Variants in ANO2 observed in about 807,000 individuals in gnomAD.
ANO2 encodes the protein anoctamin-2.
A neutral mutation model predicts 124.2 loss-of-function variants in ANO2; 101 were observed. That is an observed-to-expected ratio of 0.81 (90% CI 0.69 to 0.96). The LOEUF is 0.96. Ranked by LOEUF, ANO2 falls within the 40% of genes least tolerant of loss-of-function variation. ANO2 has a pLI of 0.00. For missense variants in ANO2, 1,293 were observed against 1,274.5 expected (o/e 1.01, Z -0.22); for synonymous variants, 486 against 482.5 (o/e 1.01, Z -0.09).
rs745465204 is a variant in ANO2, at chr12:5,922,821, C to T, written c.23-17G>A. 5.4e-6 allele frequency: 8 copies of T among 1,476,340 alleles called. No homozygotes were observed. Among genetic ancestry groups the T allele is most frequent in the Non-Finnish European group, 7.2e-6 (8 of 1,114,290 alleles). The allele number at this position is 1,476,340 out of a possible 1,614,324, so 91.5% of individuals were successfully genotyped here. ...GGGGTATATCTGTGAGAGGGAAAGA[C>T]AAGGGAGGCAAAACAGCCTCAGGTG... is the stretch of plus-strand genomic sequence containing the variant. On this transcript the variant is annotated splice_polypyrimidine_tract_variant and intron_variant, in intron 1 of 24. Coordinates refer to ENST00000682330, the MANE Select transcript of ANO2 (RefSeq NM_001364791.2).
chr12:5,909,985 G>A (rs925366379), intron 3 of ANO2, among the ~76,000 whole-genome samples: 1 of 152,220 alleles, frequency 6.6e-6, no homozygotes. Context: ...GAGACTAAAT[G>A]TATAGAAACA....
intron 17 of ANO2, among the ~76,000 whole-genome samples, chr12:5,614,377 T>C (rs144224732): frequency 9.2e-4 from 140 of 152,262 alleles, no homozygotes; most frequent in Non-Finnish European, 1.8e-3. Context: ...TCAACCATGT[T>C]GGTTGAGGCT....
upstream of ANO2, chr12:5,946,110 G>C (rs1230120046): frequency 5.6e-6 from 9 of 1,607,918 alleles, no homozygotes; most frequent in African/African-American, 1.3e-5. The surrounding 1 kb of genome is among the most constrained non-coding windows in gnomAD (Gnocchi z 4.1). Flanking sequence ...AAATGAAGAA[G>C]TACTATGTTA....
At chr12:5,861,230 A>C (rs1215018432) in intron 3 of ANO2, among the ~76,000 whole-genome samples, 1 of 152,126 alleles carries the variant, frequency 6.6e-6, no homozygotes, top group Non-Finnish European at 1.5e-5. Flanking sequence ...ACCAGCATTC[A>C]TCCCACCCTT....
intron 16 of ANO2, among the ~76,000 whole-genome samples, chr12:5,622,963 CAAAAA>C (rs60889578): frequency 1.9e-5 from 2 of 106,654 alleles, no homozygotes; most frequent in Non-Finnish European, 2.0e-5. Flanking sequence ...GGCTCTGTCT[CAAAAA>C]AAAAAAAAAA....
At chr12:5,776,236 C>T (rs1053933519) in intron 10 of ANO2, among the ~76,000 whole-genome samples, 9 of 152,210 alleles carry the variant, frequency 5.9e-5, no homozygotes, top group Admixed American at 6.5e-5. Context: ...ATGCAATCTT[C>T]CCAACCACTC....
At chr12:5,878,316 G>A (rs1004802844) in intron 3 of ANO2, among the ~76,000 whole-genome samples, 2 of 152,230 alleles carry the variant, frequency 1.3e-5, no homozygotes, top group Admixed American at 6.5e-5. Context: ...CTCATCTGGT[G>A]AGGATCACAC....
At chr12:5,834,055 C>T (rs528302671) in intron 4 of ANO2, among the ~76,000 whole-genome samples, 15 of 152,232 alleles carry the variant, frequency 9.9e-5, no homozygotes, top group African/African-American at 2.9e-4. Context: ...AGGCATACAA[C>T]TAAAGCCTTC....
Position 5,852,848 on chromosome 12 carries a change from CGTGTGTGT to C in ANO2, c.633+1187_633+1194del, listed in dbSNP as rs71445682. Among the ~76,000 whole-genome samples the C allele has an allele frequency of 4.5e-3, 556 of 123,954 alleles. 2 individuals are homozygous for C. The highest frequency in any genetic ancestry group is 0.014 in the African/African-American group (468 of 32,410). 81.3% of individuals were successfully genotyped at this position (123,954 alleles called of 152,430 possible). ...TATACAACTACACTATGGAAAGGGA[CGTGTGTGT>C]GTGTGTGTGTGTGTGTGTGTGTGTG... On this transcript the variant is annotated intron_variant, in intron 4 of 24. Transcript: ENST00000682330.
intron 14 of ANO2, among the ~76,000 whole-genome samples, chr12:5,661,239 T>G (rs1362722434): frequency 6.6e-6 from 1 of 152,190 alleles, no homozygotes; most frequent in Non-Finnish European, 1.5e-5. Flanking sequence ...AATTTCTTAG[T>G]CTGAACTCCA....
At chr12:5,575,368 T>C (rs907608487) in intron 23 of ANO2, among the ~76,000 whole-genome samples, 1 of 152,234 alleles carries the variant, frequency 6.6e-6, no homozygotes, top group Admixed American at 6.5e-5. Flanking sequence ...AATTGATTTA[T>C]AACAACTGCA....
chr12:5,678,100 G>A lies in ANO2; in HGVS notation c.1546-30299C>T, dbSNP rs73271249. On this transcript the variant is annotated intron_variant, in intron 14 of 24. Transcript: ENST00000682330. ...CTCAGGTCTGATGTGGACCAAGCTC[G>A]CTTCTTTGTGAGAAGCACTACTTTT... Among the ~76,000 whole-genome samples the A allele has an allele frequency of 4.9e-3, 747 of 152,260 alleles. 4 individuals carry two copies. The highest frequency in any genetic ancestry group is 0.017 in the African/African-American group (712 of 41,560).
At chr12:5,923,166 A>ACACG (rs1451835942) in intron 1 of ANO2, among the ~76,000 whole-genome samples, 1 of 53,340 alleles carries the variant, frequency 1.9e-5, no homozygotes, top group African/African-American at 4.9e-5. Flanking sequence ...ACACGCATAC[A>ACACG]CACACACGCA....
intron 14 of ANO2, among the ~76,000 whole-genome samples, chr12:5,675,132 T>C (rs1389138409): frequency 6.6e-6 from 1 of 152,200 alleles, no homozygotes; most frequent in Non-Finnish European, 1.5e-5. Flanking sequence ...TGAATGTAAC[T>C]GAGAAGATGG....
At chr12:5,821,253 T>C (rs561419146) in intron 7 of ANO2, among the ~76,000 whole-genome samples, 1 of 152,348 alleles carries the variant, frequency 6.6e-6, no homozygotes, top group Non-Finnish European at 1.5e-5. Context: ...GGTCCAGTGC[T>C]GTGGGGCCTG....
intron 6 of ANO2, among the ~76,000 whole-genome samples, chr12:5,829,677 T>G (rs1029919064): frequency 1.3e-5 from 2 of 152,196 alleles, no homozygotes; most frequent in African/African-American, 4.8e-5. Context: ...GGGCCCCTCT[T>G]TCTCTCTTCT....
chr12:5,746,262 T>C (rs572658012), intron 11 of ANO2, among the ~76,000 whole-genome samples: 1 of 152,192 alleles, frequency 6.6e-6, no homozygotes, highest in Non-Finnish European at 1.5e-5. Flanking sequence ...AAATTGCTGG[T>C]CTTTAAATTA....
intron 10 of ANO2, among the ~76,000 whole-genome samples, chr12:5,795,806 G>A (rs950322184): frequency 6.6e-6 from 1 of 152,114 alleles, no homozygotes; most frequent in Admixed American, 6.5e-5. Flanking sequence ...TGTACAAATC[G>A]AAAAGGCCTC....
chr12:5,885,892 C>A (rs935520302), intron 3 of ANO2, among the ~76,000 whole-genome samples: 16 of 152,332 alleles, frequency 1.1e-4, no homozygotes, highest in African/African-American at 3.8e-4. Flanking sequence ...AAAGCCAACA[C>A]AAACTTTATC....
Sources: gnomAD v4.1 joint callset for allele counts (sites outside exome capture counted in the v4.1 genomes callset) on GRCh38, gnomAD v4.1.1 for gene constraint, Gnocchi (gnomAD v3.1) non-coding constraint, MANE v1.5 for transcripts, NCBI Gene and HGNC (gene_info 2026-07-23, HGNC 2026-07-21) for gene names.